CA10: variants seen among roughly 807,000 people sequenced by gnomAD.
The protein encoded by CA10 is carbonic anhydrase-related protein 10.
In CA10, 14 loss-of-function variants were observed where a neutral mutation model predicts 44.2. The observed-to-expected ratio is 0.32, with a 90% CI of 0.21 to 0.50. The LOEUF is 0.50. CA10 is among the 20% of genes least tolerant of loss of function. CA10 has a pLI of 0.99. For missense variants in CA10, 350 were observed against 409.7 expected (o/e 0.85, Z 1.26); for synonymous variants, 159 against 141.6 (o/e 1.12, Z -0.87).
intron 3 of CA10, among the ~76,000 whole-genome samples, chr17:51,797,183 A>T (rs1906743509): frequency 6.6e-6 from 1 of 152,212 alleles, no homozygotes; most frequent in African/African-American, 2.4e-5. Context: ...TTGGTGGATG[A>T]CACAGCCAAC....
chr17:51,872,677 T>C (rs183629432), intron 3 of CA10, among the ~76,000 whole-genome samples: 257 of 152,330 alleles, frequency 1.7e-3, no homozygotes, highest in African/African-American at 5.8e-3. Context: ...CATACTAGCT[T>C]GCAAGAGCCA....
intron 1 of CA10, among the ~76,000 whole-genome samples, chr17:52,148,287 A>G (rs1204275461): frequency 3.9e-5 from 6 of 152,330 alleles, no homozygotes; most frequent in East Asian, 3.9e-4. Context: ...AATAGCGTAC[A>G]TGTTCCAAAC....
chr17:52,094,272 A>G (rs558298914), intron 1 of CA10, among the ~76,000 whole-genome samples: 7 of 152,040 alleles, frequency 4.6e-5, no homozygotes, highest in Non-Finnish European at 8.8e-5. Flanking sequence ...CATGTAACCC[A>G]TAACTTAAAG....
intron 4 of CA10, among the ~76,000 whole-genome samples, chr17:51,731,586 C>T (rs771402998): frequency 2.7e-5 from 4 of 145,512 alleles, no homozygotes; most frequent in African/African-American, 5.1e-5. Context: ...ACCTAAAGTC[C>T]GCATTTTTAA....
chr17:51,676,077 A>G (rs1018178881), intron 4 of CA10, among the ~76,000 whole-genome samples: 2 of 152,196 alleles, frequency 1.3e-5, no homozygotes, highest in Non-Finnish European at 2.9e-5. Flanking sequence ...ACTTAAGTGG[A>G]GTCTGTGAAC....
intron 3 of CA10, among the ~76,000 whole-genome samples, chr17:51,787,843 G>T (rs918528140): frequency 2.6e-5 from 4 of 151,986 alleles, no homozygotes; most frequent in Non-Finnish European, 4.4e-5. Flanking sequence ...ATTTTATTCG[G>T]ATTTTCTTTT....
At chr17:52,082,272 T>G (rs530823375) in intron 1 of CA10, among the ~76,000 whole-genome samples, 143 of 152,290 alleles carry the variant, frequency 9.4e-4, no homozygotes, top group South Asian at 5.0e-3. Context: ...GGAATAAGTT[T>G]AATGATAAAA....
chr17:51,743,056 A>G (rs954767470), intron 4 of CA10, among the ~76,000 whole-genome samples: 4 of 152,256 alleles, frequency 2.6e-5, no homozygotes, highest in Non-Finnish European at 5.9e-5. Flanking sequence ...AGCCCACCAC[A>G]TGGCAGAAGC....
intron 3 of CA10, among the ~76,000 whole-genome samples, chr17:51,838,817 C>T (rs1034569882): frequency 2.6e-5 from 4 of 152,228 alleles, no homozygotes; most frequent in African/African-American, 9.6e-5. Flanking sequence ...TCCCATGACC[C>T]TGCTCCTGCC....
intron 2 of CA10, among the ~76,000 whole-genome samples, chr17:52,031,793 A>G (rs975577416): frequency 2.0e-5 from 3 of 152,166 alleles, no homozygotes; most frequent in African/African-American, 7.2e-5. Flanking sequence ...TCCCTTTGCA[A>G]TAAGTTGCTC....
rs558851526 is a variant in CA10, at chr17:52,052,409, C to A, written c.136+19910G>T. On this transcript the variant is annotated intron_variant, in intron 2 of 8. Transcript: ENST00000451037. Reference sequence around the variant, plus strand: ...AACAATGGAGTTAAGAAGGATAAACCAGTTTGGTATGAAAAGAGGACTCAC... The same window carrying A: ...AACAATGGAGTTAAGAAGGATAAACAAGTTTGGTATGAAAAGAGGACTCAC... Among the ~76,000 whole-genome samples, 184 of 151,578 alleles carry A rather than the reference C, an allele frequency of 1.2e-3. 4 individuals carry two copies. In the South Asian group the frequency reaches 0.022, roughly 18 times the overall value.
chr17:51,675,114 G>A (rs1022582905), intron 4 of CA10, among the ~76,000 whole-genome samples: 13 of 152,328 alleles, frequency 8.5e-5, no homozygotes, highest in East Asian at 1.9e-4. Flanking sequence ...GTAAGAAAGC[G>A]TAGTTTTGCA....
chr17:51,791,485 T>A (rs1906516806), intron 3 of CA10, among the ~76,000 whole-genome samples: 1 of 152,236 alleles, frequency 6.6e-6, no homozygotes, highest in Admixed American at 6.5e-5. Context: ...ATTCTCCCCT[T>A]GCAAGTGCTA....
In CA10 at chr17:52,104,188, C is replaced by CT. The variant is rs3066269; in HGVS notation, c.62-31796dup. On this transcript the variant is annotated intron_variant, in intron 1 of 8. Transcript: ENST00000451037. The stretch of plus-strand genomic sequence containing the variant: ...TGGGGTCCCTCATCACACCTCCTGC[C>CT]TTTTTTTTTTTTTTCTTCTCTGAGA... 1.8e-3 allele frequency among the ~76,000 whole-genome samples: 260 copies of CT among 145,694 alleles called. 3 individuals are homozygous for CT. The highest frequency in any genetic ancestry group is 9.5e-3 in the East Asian group (47 of 4,944).
At chr17:52,076,978 A>T (rs565257184) in intron 1 of CA10, among the ~76,000 whole-genome samples, 104 of 152,282 alleles carry the variant, frequency 6.8e-4, no homozygotes, top group African/African-American at 2.5e-3. Flanking sequence ...GTGTCTAATT[A>T]AAAAAATTGT....
intron 3 of CA10, among the ~76,000 whole-genome samples, chr17:51,920,251 T>C (rs1266888500): frequency 2.0e-5 from 3 of 151,918 alleles, no homozygotes; most frequent in Non-Finnish European, 4.4e-5. Context: ...ATTTCACTCA[T>C]ACAGAAAAGA....
At chr17:52,145,578 G>A (rs775487304) in intron 1 of CA10, among the ~76,000 whole-genome samples, 2 of 152,096 alleles carry the variant, frequency 1.3e-5, no homozygotes, top group Admixed American at 6.5e-5. Flanking sequence ...TACTTAAGAA[G>A]GCTTAAAATT....
At chr17:51,712,044 A>G (rs891592849) in intron 4 of CA10, among the ~76,000 whole-genome samples, 5 of 152,186 alleles carry the variant, frequency 3.3e-5, no homozygotes, top group Non-Finnish European at 7.3e-5. Flanking sequence ...CTTAGGCAAG[A>G]CAAAAGTTGT....
chr17:52,112,733 T>C (rs1988812690), intron 1 of CA10, among the ~76,000 whole-genome samples: 1 of 152,224 alleles, frequency 6.6e-6, no homozygotes, highest in African/African-American at 2.4e-5. Flanking sequence ...CAATAACTAT[T>C]AGCCATTATT....
Sources: allele counts gnomAD v4.1 joint callset (sites outside exome capture counted in the v4.1 genomes callset), GRCh38; gene constraint gnomAD v4.1.1; transcripts MANE v1.5; gene names NCBI Gene and HGNC (gene_info 2026-07-23, HGNC 2026-07-21).